The following STAP2 variants were observed in gnomAD, a reference collection of about 807,000 sequenced individuals.
STAP2 encodes the protein signal-transducing adaptor protein 2.
In STAP2, 58 loss-of-function variants were observed where a neutral mutation model predicts 52.7. The observed-to-expected ratio is 1.10, with a 90% CI of 0.89 to 1.37. The LOEUF (loss-of-function observed/expected upper bound fraction) is 1.37, where lower values mean the gene tolerates loss of function less well. STAP2 is among the 40% of genes most tolerant of loss of function. STAP2 has a pLI of 0.00. For synonymous variants in STAP2, 231 were observed against 210.5 expected, an observed-to-expected ratio of 1.10 and a Z score of -0.84; for missense variants, 522 against 519.4, an observed-to-expected ratio of 1.00 and a Z score of -0.05.
intron 4 of STAP2, among the ~76,000 whole-genome samples, chr19:4,330,857 G>A (rs947870500): frequency 1.3e-5 from 2 of 151,472 alleles, no homozygotes; most frequent in African/African-American, 2.4e-5. Context: ...TGGAATTACA[G>A]GCTCCCGCCA....
At chr19:4,327,433 C>A in intron 6 of STAP2, 48 bp from the exon 7 acceptor site, 9 of 1,604,548 alleles carry the variant, frequency 5.6e-6, no homozygotes, top group South Asian at 1.1e-5. Flanking sequence ...GCTCCCACAC[C>A]GCCCCTCAGG....
At chr19:4,334,406 CATCT>C (rs1971940342) in intron 1 of STAP2, among the ~76,000 whole-genome samples, 1 of 152,036 alleles carries the variant, frequency 6.6e-6, no homozygotes, top group African/African-American at 2.4e-5. Context: ...ACCCACTAGC[CATCT>C]ATCTATCATC....
chr19:4,338,372 G>C (rs1270639149), intron 1 of STAP2: 1 of 248,806 alleles, frequency 4.0e-6, no homozygotes, highest in African/African-American at 2.2e-5. Flanking sequence ...AGCAAAGATT[G>C]AGACAAAGAG....
chr19:4,338,648 T>A lies in STAP2; in HGVS notation c.102+4A>T. 6.8e-7 allele frequency: 1 copy of A among 1,463,392 alleles called. No individual in the cohort carries two copies. The allele number at this position is 1,463,392 out of a possible 1,614,324, so 90.7% of individuals were successfully genotyped here. A position where few individuals can be genotyped will look rare whatever the true frequency, so the allele number is the denominator to read the frequency against. The stretch of plus-strand genomic sequence containing the variant: ...CAGGGCCAGCCCCCGCCTCCCCACC[T>A]TACCCGGTCACAGGGCCCCTTCTTC... On this transcript the variant is annotated splice_donor_region_variant and intron_variant, in intron 1 of 12. Transcript: ENST00000594605.
intron 1 of STAP2, among the ~76,000 whole-genome samples, 173 bp downstream of exon 1, chr19:4,338,479 T>G (rs1972014881): frequency 6.6e-6 from 1 of 151,854 alleles, no homozygotes; most frequent in African/African-American, 2.4e-5. Flanking sequence ...GAGACAGAGA[T>G]AGACGCACAG....
chr19:4,334,953 A>ATCATCCATCCACCCAC (rs796685514), intron 1 of STAP2, among the ~76,000 whole-genome samples: 31 of 34,448 alleles, frequency 9.0e-4, no homozygotes, highest in African/African-American at 3.4e-3. Flanking sequence ...CTCACCGTCC[A>ATCATCCATCCACCCAC]TCATCCATCC....
Position 4,328,701 on chromosome 19 carries a change from C to G in STAP2, c.564G>C (p.Ser188=), listed in dbSNP as rs771770809. 2.5e-6 allele frequency: 4 copies of G among 1,604,976 alleles called. No homozygotes were observed. The highest frequency in any genetic ancestry group is 1.1e-5 in the South Asian group (1 of 89,896). ...CGTTGTGCATCTGCCGCGTGGTGAC[C>G]GACACGCCGTCGGCGCCGTCCCCGC... ...RPSGDGADGV[S]VTTRQMHNGT... is the part of the protein sequence containing the mutation. The change falls in exon 6 of 13, where the codon TCG becomes TCC. Residue 188 remains serine (S), a synonymous_variant. Coordinates refer to ENST00000594605, the MANE Select transcript of STAP2 (RefSeq NM_001013841.2).
At chr19:4,338,500 G>A in intron 1 of STAP2, 152 bp downstream of exon 1, 1 of 667,502 alleles carries the variant, frequency 1.5e-6, no homozygotes, top group Non-Finnish European at 2.4e-6. Context: ...AGAGGCAGAT[G>A]GCCAGAACCC....
At chr19:4,338,547 CACCCA>C in intron 1 of STAP2, 100 bp downstream of exon 1, 13 of 944,922 alleles carry the variant, frequency 1.4e-5, no homozygotes, top group South Asian at 3.3e-5. Flanking sequence ...CCCCATCCAG[CACCCA>C]CCCCGCCCCC....
At chr19:4,337,363 C>T (rs1971996290) in intron 1 of STAP2, among the ~76,000 whole-genome samples, 1 of 150,822 alleles carries the variant, frequency 6.6e-6, no homozygotes. Flanking sequence ...TCCAGAGTAG[C>T]TGGGATCACA....
rs755907469 is a variant in STAP2 at position 4,325,230 on chromosome 19, A to G, written c.1058T>C (p.Val353Ala). 2 of 1,593,878 alleles carry G rather than the reference A, an allele frequency of 1.3e-6. No homozygotes were observed. Among genetic ancestry groups the G allele is most frequent in the Non-Finnish European group, 1.7e-6 (2 of 1,170,222 alleles). Residue 353 changes from valine to alanine, a missense_variant, in exon 11 of 13, where the codon GTT becomes GCT. Val to Ala is a moderately conservative substitution (Grantham distance 64, BLOSUM62 0). Transcript: ENST00000594605. ...GGGACCCCAACCTGGCTTGGGTCCA[A>G]CGGGTGGCTTTGGAAGCTTGGCAGG... is the stretch of plus-strand genomic sequence containing the variant. ...KPPAKLPKPP[V>A]GPKPEPKVFN...
At chr19:4,338,589 C>G (rs936755468) in intron 1 of STAP2, 63 bp downstream of exon 1, 1 of 1,152,650 alleles carries the variant, frequency 8.7e-7, no homozygotes, top group Non-Finnish European at 1.2e-6. Flanking sequence ...GACAGGGACT[C>G]AGAGAGGTGC....
Position 4,338,815 on chromosome 19 carries a change from A to G in STAP2, c.-62T>C, listed in dbSNP as rs565208717. 5.8e-4 allele frequency: 914 copies of G among 1,566,688 alleles called. 9 individuals carry two copies. In the South Asian group the frequency reaches 0.01, roughly 18 times the overall value. On this transcript the variant is annotated 5_prime_UTR_variant, in exon 1 of 13. Transcript: ENST00000594605. Reference sequence around the variant, plus strand: ...AGTGGGTGCCCCAGCTGGGCCGGGAAGCTGAGAAACAGGTTTCAGGGGAGT... The same window carrying G: ...AGTGGGTGCCCCAGCTGGGCCGGGAGGCTGAGAAACAGGTTTCAGGGGAGT...
chr19:4,332,345 C>T (rs1245643959), intron 3 of STAP2, among the ~76,000 whole-genome samples: 7 of 150,758 alleles, frequency 4.6e-5, no homozygotes, highest in Non-Finnish European at 7.4e-5. Context: ...GTAGCTGGGA[C>T]TACAGGCATG....
At chr19:4,324,826 A>C in intron 11 of STAP2, 1 of 412,226 alleles carries the variant, frequency 2.4e-6, no homozygotes, top group Non-Finnish European at 4.4e-6. Flanking sequence ...TCCATCTCAA[A>C]ACAAAAAACA....
At position 4,324,107 on chromosome 19, in the gene STAP2, G is replaced by C. The variant is rs777740707; in HGVS notation, c.*26C>G. The C allele has an allele frequency of 1.3e-6, 2 of 1,550,468 alleles. No individual in the cohort carries two copies. The highest frequency in any genetic ancestry group is 1.7e-6 in the Non-Finnish European group (2 of 1,146,224). ...GCCGCTGGGCCATGCCCTGGGACTA[G>C]CCCGCTGGTCCCTGGTGTGTCCGAA... On this transcript the variant is annotated 3_prime_UTR_variant, in exon 13 of 13. Transcript: ENST00000594605.
intron 9 of STAP2, among the ~76,000 whole-genome samples, chr19:4,326,336 G>A (rs931742255): frequency 1.3e-5 from 2 of 152,204 alleles, no homozygotes; most frequent in African/African-American, 2.4e-5. Flanking sequence ...TAGGCAGGTG[G>A]CCACAGTTGC....
In STAP2 at chr19:4,324,448, C is replaced by A. The variant is rs772761902; in HGVS notation, c.1147+7G>T. ...CCCGCCCCGCACTGACCCCGCAGAC[C>A]CCTTACCGGCTGTGGGGAAGAGAGG... On this transcript the variant is annotated splice_region_variant and intron_variant, in intron 12 of 12. Transcript: ENST00000594605. The A allele has an allele frequency of 3.2e-6, 5 of 1,560,518 alleles. No individual in the cohort carries two copies. In the Admixed American group the frequency reaches 7.4e-5, roughly 23 times the overall value.
At position 4,328,662 on chromosome 19, in the gene STAP2, C is replaced by A. The variant is rs79318419; in HGVS notation, c.590+13G>T. 13,559 of 1,563,840 alleles carry A rather than the reference C, an allele frequency of 8.7e-3. 1,008 individuals are homozygous for A. The African/African-American group carries it at 0.16, about 19-fold the overall frequency. Reference sequence around the variant, plus strand: ...CTCCTCCCACCCAGGGCTCTCCAGACGCGCATGCGCACCCGTTGTGCATCT... The same window carrying A: ...CTCCTCCCACCCAGGGCTCTCCAGAAGCGCATGCGCACCCGTTGTGCATCT... On this transcript the variant is annotated intron_variant, in intron 6 of 12. Transcript: ENST00000594605.
Sources: gnomAD v4.1 joint callset for allele counts (sites outside exome capture counted in the v4.1 genomes callset) on GRCh38, gnomAD v4.1.1 for gene constraint, MANE v1.5 for transcripts, NCBI Gene and HGNC (gene_info 2026-07-23, HGNC 2026-07-21) for gene names.